CFAP46: variants seen among roughly 807,000 people sequenced by gnomAD.
The protein encoded by CFAP46 is cilia and flagella associated protein 46.
In CFAP46, 245 loss-of-function variants were observed where a neutral mutation model predicts 325.7. That is an observed-to-expected ratio of 0.75 (90% CI 0.68 to 0.84). CFAP46 has a LOEUF of 0.84. Among genes scored for constraint, CFAP46 ranks in the 40% least tolerant of loss-of-function variants. The pLI is 0.00. For synonymous variants in CFAP46, 1,523 were observed against 1,495.9 expected (o/e 1.02, Z -0.42); for missense variants, 3,346 against 3,543.0 (o/e 0.94, Z 1.41).
At chr10:132,843,666 C>G in intron 44 of CFAP46, among the ~76,000 whole-genome samples, 1 of 79,120 alleles carries the variant, frequency 1.3e-5, no homozygotes, top group African/African-American at 4.8e-5. Flanking sequence ...TCTCGGTGGG[C>G]GTTCCCAGGG....
At chr10:132,937,925 C>T (rs1004145641) in intron 5 of CFAP46, among the ~76,000 whole-genome samples, 1 of 152,192 alleles carries the variant, frequency 6.6e-6, no homozygotes, top group African/African-American at 2.4e-5. Context: ...TCAAAGGTTC[C>T]CCAAACGGCC....
At chr10:132,824,359 A>T (rs1467127539) in intron 50 of CFAP46, among the ~76,000 whole-genome samples, 1 of 97,518 alleles carries the variant, frequency 1.0e-5, no homozygotes, top group Admixed American at 1.3e-4. Flanking sequence ...GTGAGCGCTG[A>T]TGTGTGCTGT....
At chr10:132,910,094 G>A (rs750523637) in intron 19 of CFAP46, 26 bp from the exon 20 acceptor site, 25 of 1,390,524 alleles carry the variant, frequency 1.8e-5, no homozygotes, top group Admixed American at 6.7e-5. Context: ...TCTCGGTCAC[G>A]AAACCTGAAT....
chr10:132,926,722 T>C, intron 9 of CFAP46, 56 bp from the exon 10 acceptor site: 1 of 1,269,502 alleles, frequency 7.9e-7, no homozygotes, highest in Non-Finnish European at 1.1e-6. Context: ...AGCAGCTGTG[T>C]ACATTCATGA....
chr10:132,919,534 G>A lies in CFAP46; in HGVS notation c.1731-92C>T, dbSNP rs1425509796. 2.1e-6 allele frequency: 3 copies of A among 1,449,526 alleles called. No individual in the cohort carries two copies. Among genetic ancestry groups the A allele is most frequent in the Admixed American group, 2.4e-5 (1 of 41,526 alleles). 89.8% of individuals were successfully genotyped at this position (1,449,526 alleles called of 1,614,324 possible). On this transcript the variant is annotated intron_variant, in intron 14 of 57. Coordinates refer to ENST00000368586, the MANE Select transcript of CFAP46 (RefSeq NM_001200049.3). The surrounding 1 kb of genome is among the most constrained non-coding windows in gnomAD (Gnocchi z 9.7). ...ACCTGGGCTGGCTGCCTGAGAAAAGGCCACTGTGGCTCTGCAGTTTCAAGG... is the reference window on the plus strand; with the variant it reads ...ACCTGGGCTGGCTGCCTGAGAAAAGACCACTGTGGCTCTGCAGTTTCAAGG...
At chr10:132,880,497 C>A (rs193121340) in intron 28 of CFAP46, among the ~76,000 whole-genome samples, 1 of 152,314 alleles carries the variant, frequency 6.6e-6, no homozygotes, top group South Asian at 2.1e-4. Flanking sequence ...GCTCTGGACC[C>A]CCGCTCCCCC....
rs914386609 is a variant in CFAP46, at chr10:132,832,951, T to C, written c.7117+407A>G. ...TGGCACATAGCAGGTATTTTATAAA[T>C]AGTTTTGAGTGTTTATATATATACA... On this transcript the variant is annotated intron_variant, in intron 50 of 57. Coordinates refer to ENST00000368586, the MANE Select transcript of CFAP46 (RefSeq NM_001200049.3). This position sits in a 1 kb window ranked among gnomAD's most constrained non-coding sequence, Gnocchi z 4.1. 5.1e-6 allele frequency: 2 copies of C among 391,666 alleles called. No individual in the cohort carries two copies. The highest frequency in any genetic ancestry group is 1.1e-5 in the Non-Finnish European group (2 of 190,432). 24.3% of individuals were successfully genotyped at this position (391,666 alleles called of 1,614,324 possible).
intron 22 of CFAP46, among the ~76,000 whole-genome samples, chr10:132,904,515 CCT>C (rs1410863069): frequency 4.6e-5 from 7 of 152,254 alleles, no homozygotes; most frequent in African/African-American, 1.7e-4. Flanking sequence ...TCTCCTTTTC[CCT>C]GTCACCATAT....
At chr10:132,854,147 T>C (rs991657449) in intron 39 of CFAP46, among the ~76,000 whole-genome samples, 1 of 152,222 alleles carries the variant, frequency 6.6e-6, no homozygotes, top group Admixed American at 6.5e-5. Flanking sequence ...TGTTTAGTGC[T>C]GTAAATTTCC....
chr10:132,847,994 C>T lies in CFAP46; in HGVS notation c.5953-673G>A, dbSNP rs575731265. On this transcript the variant is annotated intron_variant, in intron 41 of 57. Coordinates refer to ENST00000368586, the MANE Select transcript of CFAP46 (RefSeq NM_001200049.3). This position sits in a 1 kb window ranked among gnomAD's most constrained non-coding sequence, Gnocchi z 5.2. ...GCAGGGCAGCCGTGGCCACCTGACA[C>T]GCACGGCTGCCTGACATGCACGGAG... 3.3e-5 allele frequency among the ~76,000 whole-genome samples: 5 copies of T among 152,264 alleles called. No individual in the cohort carries two copies. Among genetic ancestry groups the T allele is most frequent in the South Asian group, 2.1e-4 (1 of 4,816 alleles).
chr10:132,809,783 G>A (rs933098771), intron 57 of CFAP46, among the ~76,000 whole-genome samples: 5 of 152,208 alleles, frequency 3.3e-5, no homozygotes, highest in East Asian at 3.9e-4. Context: ...CCGTCTGTCC[G>A]TGTTTGAGAA....
chr10:132,837,060 G>A, intron 44 of CFAP46, 146 bp from the exon 45 acceptor site: 1 of 627,348 alleles, frequency 1.6e-6, no homozygotes, highest in South Asian at 1.9e-5. Context: ...CCTTGGGGTG[G>A]GGGGCCCTGC....
At chr10:132,925,617 G>A (rs559266550) in intron 10 of CFAP46, among the ~76,000 whole-genome samples, 88 of 152,364 alleles carry the variant, frequency 5.8e-4, no homozygotes, top group South Asian at 2.1e-3. Context: ...TTCCTTAAAC[G>A]AACACTCATT....
intron 9 of CFAP46, among the ~76,000 whole-genome samples, chr10:132,928,495 G>A (rs1849843875): frequency 6.6e-6 from 1 of 152,212 alleles, no homozygotes; most frequent in Admixed American, 6.5e-5. Flanking sequence ...TCAAGGCCAC[G>A]TGAACTGCAT....
chr10:132,832,645 G>A lies in CFAP46; in HGVS notation c.7117+713C>T, dbSNP rs1216831061. Reference sequence around the variant, plus strand: ...TTTATTTTTAATTTTATTTGATACCGAAGTGCAGAAAACTGCACGTACCGC... The same window carrying A: ...TTTATTTTTAATTTTATTTGATACCAAAGTGCAGAAAACTGCACGTACCGC... On this transcript the variant is annotated intron_variant, in intron 50 of 57. Transcript: ENST00000368586. The surrounding 1 kb of genome is among the most constrained non-coding windows in gnomAD (Gnocchi z 4.1). 1.8e-5 allele frequency: 7 copies of A among 381,364 alleles called. No individual in the cohort carries two copies. Among genetic ancestry groups the A allele is most frequent in the African/African-American group, 6.4e-5 (3 of 46,960 alleles). The allele number at this position is 381,364 out of a possible 1,614,324, so 23.6% of individuals were successfully genotyped here.
chr10:132,912,990 G>A (rs1849577288), intron 18 of CFAP46, 56 bp downstream of exon 18: 1 of 1,528,952 alleles, frequency 6.5e-7, no homozygotes. Context: ...TTTGCTCTGG[G>A]GTCTCCCAAG....
At chr10:132,881,103 T>A (rs1292830406) in intron 27 of CFAP46, 71 bp from the exon 28 acceptor site, 1 of 1,354,350 alleles carries the variant, frequency 7.4e-7, no homozygotes, top group African/African-American at 1.4e-5. Flanking sequence ...AGTGGAATAC[T>A]TTTATTGCTC....
intron 22 of CFAP46, among the ~76,000 whole-genome samples, chr10:132,904,869 G>T (rs1434588692): frequency 6.6e-6 from 1 of 152,178 alleles, no homozygotes; most frequent in African/African-American, 2.4e-5. Context: ...CCTTACGAGG[G>T]TGAATGCAGT....
In CFAP46 at chr10:132,885,295, AG is replaced by A. The variant is rs1486237780; in HGVS notation, c.3444-10del. ...TGTGCTTGAAGATCAAGCTAAAGAAAGGGAAGGTGAGAAACCAACGTCAGGA... is the reference window on the plus strand; with the variant it reads ...TGTGCTTGAAGATCAAGCTAAAGAAAGGAAGGTGAGAAACCAACGTCAGGA... On this transcript the variant is annotated splice_polypyrimidine_tract_variant and intron_variant, in intron 26 of 57. Transcript: ENST00000368586. 18 of 1,537,968 alleles carry A rather than the reference AG, an allele frequency of 1.2e-5. No homozygotes were observed. Among genetic ancestry groups the A allele is most frequent in the Middle Eastern group, 1.7e-4 (1 of 5,878 alleles).
Sources: gnomAD v4.1 joint callset for allele counts (sites outside exome capture counted in the v4.1 genomes callset) on GRCh38, gnomAD v4.1.1 for gene constraint, Gnocchi (gnomAD v3.1) non-coding constraint, MANE v1.5 for transcripts, NCBI Gene and HGNC (gene_info 2026-07-23, HGNC 2026-07-21) for gene names.